Variants in COL6A3 observed in about 807,000 individuals in gnomAD.
COL6A3 encodes the protein collagen alpha-3(VI) chain.
In COL6A3, 137 loss-of-function variants were observed where a neutral mutation model predicts 274.1. The ratio of observed to expected loss-of-function variants is 0.50; its 90% CI spans 0.44 to 0.58. COL6A3 has a LOEUF of 0.58. Among genes scored for constraint, COL6A3 ranks in the 20% least tolerant of loss-of-function variants. The pLI is 0.00. For missense variants in COL6A3, 3,950 were observed against 4,124.9 expected (o/e 0.96, Z 1.16); for synonymous variants, 1,650 against 1,650.6 (o/e 1.00, Z 0.01).
intron 31 of COL6A3, among the ~76,000 whole-genome samples, chr2:237,347,575 C>A (rs1401594235): frequency 6.6e-6 from 1 of 152,034 alleles, no homozygotes; most frequent in Non-Finnish European, 1.5e-5. Context: ...GGCTGGCGAC[C>A]CTGGAGGTGA....
At chr2:237,347,667 C>T (rs2077123796) in intron 31 of COL6A3, 140 bp downstream of exon 31, 2 of 874,528 alleles carry the variant, frequency 2.3e-6, no homozygotes, top group South Asian at 2.9e-5. Flanking sequence ...TGGTCTGGGG[C>T]TCAGGATTCC....
rs2077613149 is a variant in COL6A3, at chr2:237,368,750, T to A, written c.4713A>T (p.Leu1571Phe). The change falls in exon 10 of 44, where the codon TTA (leucine) becomes TTT (phenylalanine). Residue 1571 changes from leucine to phenylalanine, a missense_variant. Transcript: ENST00000295550. This position sits in a 1 kb window ranked among gnomAD's most constrained non-coding sequence, Gnocchi z 4.4. Reference protein sequence around the residue: ...QVIRSSGIVSLGVGDRNIDRT... With the variant: ...QVIRSSGIVSFGVGDRNIDRT... ...TGTCGATGTTCCGGTCTCCTACCCCTAAACTCACAATGCCCGAGGAACGGA... is the reference window on the plus strand; with the variant it reads ...TGTCGATGTTCCGGTCTCCTACCCCAAAACTCACAATGCCCGAGGAACGGA... The A allele has an allele frequency of 6.2e-7, 1 of 1,614,214 alleles. No homozygotes were observed. Among genetic ancestry groups the A allele is most frequent in the Admixed American group, 1.7e-5 (1 of 60,030 alleles).
In COL6A3 at chr2:237,364,963, A is replaced by G. The variant is rs1312634000; in HGVS notation, c.5839-535T>C. Among the ~76,000 whole-genome samples, 1 of 151,632 alleles carries G rather than the reference A, an allele frequency of 6.6e-6. No homozygotes were observed. Among genetic ancestry groups the G allele is most frequent in the African/African-American group, 2.4e-5 (1 of 41,272 alleles). Reference sequence around the variant, plus strand: ...CATGTGTGCATGTGTTATGGGCTAAATTGTGTCCCCTCAAAATTTGTATGT... The same window carrying G: ...CATGTGTGCATGTGTTATGGGCTAAGTTGTGTCCCCTCAAAATTTGTATGT... On this transcript the variant is annotated intron_variant, in intron 12 of 43. Coordinates refer to ENST00000295550, the MANE Select transcript of COL6A3 (RefSeq NM_004369.4). This position sits in a 1 kb window ranked among gnomAD's most constrained non-coding sequence, Gnocchi z 4.6.
In COL6A3 at chr2:237,394,961, A is replaced by C; in HGVS notation, c.335T>G (p.Ile112Ser). The part of the protein sequence containing the change: ...VLSHISNMSY[I>S]GGTNQTGKGL... ...TTTTCCAGTCTGATTGGTTCCCCCA[A>C]TATAAGACATGTTGGAAATATGAGA... Residue 112 changes from isoleucine to serine, a missense_variant, in exon 3 of 44, where the codon ATT (isoleucine) becomes AGT (serine). Coordinates refer to ENST00000295550, the MANE Select transcript of COL6A3 (RefSeq NM_004369.4). 1 of 1,614,148 alleles carries C rather than the reference A, an allele frequency of 6.2e-7. No individual in the cohort carries two copies. Among genetic ancestry groups the C allele is most frequent in the South Asian group, 1.1e-5 (1 of 91,064 alleles).
Position 237,388,173 on chromosome 2 carries a change from CAGAGTCT to C in COL6A3, c.714_720del (p.Asp239LeufsTer26), listed in dbSNP as rs770864980. ...CCATCAATAAGGAAAATAATGTCAGCAGAGTCTTGTGCTTTAAAAGAAAGAAATGCAA... is the reference window on the plus strand; with the variant it reads ...CCATCAATAAGGAAAATAATGTCAGCTGTGCTTTAAAAGAAAGAAATGCAA... On this transcript the variant is annotated frameshift_variant, in exon 4 of 44. Coordinates refer to ENST00000295550, the MANE Select transcript of COL6A3 (RefSeq NM_004369.4). LOFTEE classifies it high-confidence loss of function. 2 of 1,614,050 alleles carry C rather than the reference CAGAGTCT, an allele frequency of 1.2e-6. No homozygotes were observed. Among genetic ancestry groups the C allele is most frequent in the South Asian group, 2.2e-5 (2 of 91,080 alleles).
rs143332717 is a variant in COL6A3 at position 237,350,318 on chromosome 2, C to T, written c.6817-109G>A. 7.7e-4 allele frequency: 718 copies of T among 933,752 alleles called. 3 individuals are homozygous for T. The African/African-American group carries it at 7.7e-3, about 10-fold the overall frequency. The allele number at this position is 933,752 out of a possible 1,614,324, so 57.8% of individuals were successfully genotyped here. A position where few individuals can be genotyped will look rare whatever the true frequency, so the allele number is the denominator to read the frequency against. On this transcript the variant is annotated intron_variant, in intron 27 of 43. Coordinates refer to ENST00000295550, the MANE Select transcript of COL6A3 (RefSeq NM_004369.4). ...AGGGTGCTGCAACATGCTGACTTCA[C>T]CTTTGAGATTTCGGTGGAATGATTT...
At chr2:237,351,782 A>G (rs2077211843) in intron 26 of COL6A3, among the ~76,000 whole-genome samples, 1 of 152,250 alleles carries the variant, frequency 6.6e-6, no homozygotes, top group African/African-American at 2.4e-5. Flanking sequence ...ATGTTTTTTA[A>G]AAACGTCTAA....
At chr2:237,376,449 T>C (rs1410911814) in intron 7 of COL6A3, among the ~76,000 whole-genome samples, 1 of 152,250 alleles carries the variant, frequency 6.6e-6, no homozygotes, top group African/African-American at 2.4e-5. Flanking sequence ...ATATGGCTTT[T>C]ATTATGCATA....
At position 237,366,900 on chromosome 2, in the gene COL6A3, T is replaced by C; in HGVS notation, c.5287A>G (p.Ser1763Gly). The change falls in exon 11 of 44, where the codon AGC becomes GGC. Residue 1763 changes from serine to glycine, a missense_variant. Ser to Gly is a moderately conservative substitution (Grantham distance 56, BLOSUM62 0). Around this residue, in one of 5 missense-constraint regions of COL6A3, gnomAD observed 632 missense variants for 623.4 expected, o/e 1.01. Transcript: ENST00000295550. ...GKSVEDAQDV[S>G]LALTQRGVKV... ...ACCCCCCTCTGGGTGAGGGCCAGGC[T>C]CACATCCTGTGCATCTTCCACCGAC... The C allele has an allele frequency of 2.5e-6, 4 of 1,614,212 alleles. No individual in the cohort carries two copies. Among genetic ancestry groups the C allele is most frequent in the Non-Finnish European group, 3.4e-6 (4 of 1,180,046 alleles).
chr2:237,385,564 A>C (rs1488210617), intron 4 of COL6A3, among the ~76,000 whole-genome samples: 1 of 152,212 alleles, frequency 6.6e-6, no homozygotes, highest in Non-Finnish European at 1.5e-5. Flanking sequence ...CCAAGACCAG[A>C]GACCAGCTTT....
At position 237,378,737 on chromosome 2, in the gene COL6A3, A is replaced by G; in HGVS notation, c.2396T>C (p.Met799Thr). ...IAFNPSLVYLMDDFSSLPALP... is the reference protein window; with the variant it reads ...IAFNPSLVYLTDDFSSLPALP... ...AGCTGGCAGGGAGCTGAAATCATCC[A>G]TGAGATACACCAGGCTTGGGTTAAA... The change falls in exon 6 of 44, where the codon ATG becomes ACG. Residue 799 changes from methionine (M) to threonine (T), a missense_variant. Physicochemically the swap from Met to Thr is moderately conservative, Grantham distance 81. This residue lies in a region of COL6A3 where 1,934 missense variants were observed against 1,984.3 expected (regional missense o/e 0.97). Transcript: ENST00000295550. The G allele has an allele frequency of 6.2e-7, 1 of 1,614,134 alleles. No individual in the cohort carries two copies. The highest frequency in any genetic ancestry group is 8.5e-7 in the Non-Finnish European group (1 of 1,180,040).
intron 8 of COL6A3, among the ~76,000 whole-genome samples, chr2:237,373,951 G>T (rs1029092949): frequency 3.9e-5 from 6 of 152,176 alleles, no homozygotes; most frequent in African/African-American, 1.4e-4. Context: ...TCACACCTTG[G>T]CTCTGGAGAT....
At chr2:237,327,876 G>A (rs1283619418) in intron 42 of COL6A3, 1 of 151,878 alleles carries the variant, frequency 6.6e-6, no homozygotes, top group Admixed American at 6.6e-5. Context: ...GGAGTACCAA[G>A]GGAGATGGCT....
At chr2:237,328,641 A>C (rs1700074373) in intron 42 of COL6A3, 1 of 152,248 alleles carries the variant, frequency 6.6e-6, no homozygotes, top group Non-Finnish European at 1.5e-5. Flanking sequence ...TAATCAGCAA[A>C]AAATATATGT....
intron 36 of COL6A3, chr2:237,342,464 T>TA (rs1559203765): frequency 1.1e-5 from 4 of 378,656 alleles, no homozygotes; most frequent in African/African-American, 8.2e-5. Flanking sequence ...TTAAATTAGA[T>TA]AATAAATGTT....
chr2:237,332,685 C>A (rs545409510), intron 42 of COL6A3, among the ~76,000 whole-genome samples: 1 of 152,324 alleles, frequency 6.6e-6, no homozygotes, highest in African/African-American at 2.4e-5. Context: ...TATCTAAATT[C>A]CCATGGCATT....
At chr2:237,395,466 T>C (rs1469519845) in intron 2 of COL6A3, among the ~76,000 whole-genome samples, 3 of 152,150 alleles carry the variant, frequency 2.0e-5, no homozygotes, top group African/African-American at 7.2e-5. Context: ...ATGCTCCAGA[T>C]TGGGGAAACA....
At position 237,380,956 on chromosome 2, in the gene COL6A3, C is replaced by A. The variant is rs1467166956; in HGVS notation, c.1856G>T (p.Gly619Val). ...RAAPLQGMLP[G>V]LLAPLRTLSG... ...GAGGGTCCTGAGAGGTGCCAGCAAG[C>A]CAGGCAGCATGCCTTGCAATGGGGC... The change falls in exon 5 of 44, where the codon GGC (glycine) becomes GTC (valine). Residue 619 changes from glycine (G) to valine (V), a missense_variant. Coordinates refer to ENST00000295550, the MANE Select transcript of COL6A3 (RefSeq NM_004369.4). 6.2e-7 allele frequency: 1 copy of A among 1,614,162 alleles called. No individual in the cohort carries two copies. Among genetic ancestry groups the A allele is most frequent in the South Asian group, 1.1e-5 (1 of 91,072 alleles).
intron 39 of COL6A3, among the ~76,000 whole-genome samples, chr2:237,337,518 G>A (rs1006894196): frequency 6.6e-6 from 1 of 152,236 alleles, no homozygotes; most frequent in Admixed American, 6.5e-5. Flanking sequence ...AGGGTCTGCA[G>A]TAGGAAGAGA....
Sources: allele counts gnomAD v4.1 joint callset (sites outside exome capture counted in the v4.1 genomes callset), GRCh38; gene constraint gnomAD v4.1.1; regional missense constraint gnomAD v4.1.1; non-coding constraint Gnocchi (gnomAD v3.1); transcripts MANE v1.5; gene names NCBI Gene and HGNC (gene_info 2026-07-23, HGNC 2026-07-21).